The following CTNNA3 variants were observed in gnomAD, a reference collection of about 807,000 sequenced individuals.
CTNNA3 encodes the protein catenin alpha 3.
CTNNA3 carries 76 observed loss-of-function variants against 95.7 expected under a neutral mutation model. The ratio of observed to expected loss-of-function variants is 0.79; its 90% CI spans 0.66 to 0.96. The LOEUF (loss-of-function observed/expected upper bound fraction) is 0.96, where lower values mean the gene tolerates loss of function less well. Among genes scored for constraint, CTNNA3 ranks in the 40% least tolerant of loss-of-function variants. The pLI is 0.00. For missense variants in CTNNA3, 1,191 were observed against 1,089.8 expected, an observed-to-expected ratio of 1.09 and a Z score of -1.31; for synonymous variants, 431 against 374.4, an observed-to-expected ratio of 1.15 and a Z score of -1.74.
chr10:66,472,899 A>G (rs1201870660), intron 11 of CTNNA3, among the ~76,000 whole-genome samples: 1 of 151,982 alleles, frequency 6.6e-6, no homozygotes, highest in Non-Finnish European at 1.5e-5. Context: ...CACTATCTCA[A>G]TATGTTATGC....
At chr10:66,984,775 A>T (rs1364979326) in intron 7 of CTNNA3, among the ~76,000 whole-genome samples, 59 of 152,172 alleles carry the variant, frequency 3.9e-4, no homozygotes, top group Admixed American at 3.8e-3. Flanking sequence ...AATTTAAATA[A>T]TTTATTTTTG....
rs557890333 is a variant in CTNNA3, at chr10:67,617,652, GT to G, written c.100-10604del. Among the ~76,000 whole-genome samples the G allele has an allele frequency of 8.6e-5, 13 of 151,938 alleles. No homozygotes were observed. The East Asian group carries it at 1.6e-3, about 18-fold the overall frequency. On this transcript the variant is annotated intron_variant, in intron 2 of 17. Transcript: ENST00000433211. The stretch of plus-strand genomic sequence containing the variant: ...GGGATTACTGGGTCAAATGGTAGTT[GT>G]TTTTAGGTCTTTGAGGAACTGCCGC...
intron 11 of CTNNA3, among the ~76,000 whole-genome samples, chr10:66,383,041 C>T (rs2092855123): frequency 6.6e-6 from 1 of 152,132 alleles, no homozygotes; most frequent in South Asian, 2.1e-4. Context: ...TCTTCTCCTC[C>T]AAAGGATCGC....
chr10:66,096,231 C>T (rs1359873086), intron 14 of CTNNA3, among the ~76,000 whole-genome samples: 5 of 152,216 alleles, frequency 3.3e-5, no homozygotes, highest in Admixed American at 2.0e-4. Context: ...CTACAAGACA[C>T]TATAATCAAA....
chr10:67,070,921 T>C (rs968045158), intron 7 of CTNNA3, among the ~76,000 whole-genome samples: 3 of 152,234 alleles, frequency 2.0e-5, no homozygotes, highest in Admixed American at 1.3e-4. Context: ...TGTAGTAACA[T>C]GCTAACTACA....
At chr10:67,183,538 G>T (rs1356617740) in intron 6 of CTNNA3, among the ~76,000 whole-genome samples, 2 of 151,798 alleles carry the variant, frequency 1.3e-5, no homozygotes, top group Non-Finnish European at 2.9e-5. Context: ...GGGGCCTGTT[G>T]TGGGGTGGGA....
intron 11 of CTNNA3, among the ~76,000 whole-genome samples, chr10:66,424,701 A>G (rs1428104882): frequency 1.3e-5 from 2 of 152,138 alleles, no homozygotes; most frequent in East Asian, 3.9e-4. Flanking sequence ...TTTGTTACAT[A>G]ATATGTAGTC....
At chr10:66,443,852 G>A (rs181055863) in intron 11 of CTNNA3, among the ~76,000 whole-genome samples, 51 of 152,292 alleles carry the variant, frequency 3.3e-4, no homozygotes, top group African/African-American at 1.2e-3. Context: ...GAGAGAAGAA[G>A]GCTTCAGACG....
chr10:66,166,322 G>T (rs926339715), intron 13 of CTNNA3, among the ~76,000 whole-genome samples: 5 of 151,394 alleles, frequency 3.3e-5, no homozygotes, highest in African/African-American at 9.7e-5. Context: ...GGTGAAACCG[G>T]TGTCTACTAA....
At chr10:67,601,423 C>T (rs1355329634) in intron 3 of CTNNA3, among the ~76,000 whole-genome samples, 1 of 152,146 alleles carries the variant, frequency 6.6e-6, no homozygotes, top group East Asian at 1.9e-4. Flanking sequence ...GAATCTAATG[C>T]CGCAGCTGAT....
intron 7 of CTNNA3, among the ~76,000 whole-genome samples, chr10:67,066,867 T>C (rs1263812178): frequency 6.6e-6 from 1 of 152,238 alleles, no homozygotes; most frequent in East Asian, 1.9e-4. Flanking sequence ...GCCTTTAATT[T>C]AATTTTAAAA....
chr10:67,576,190 A>T (rs1310949781), intron 3 of CTNNA3, among the ~76,000 whole-genome samples: 1 of 152,180 alleles, frequency 6.6e-6, no homozygotes, highest in Non-Finnish European at 1.5e-5. Context: ...GGGCTTAGTT[A>T]TTTAAAAGCA....
chr10:67,579,533 T>A (rs926803762), intron 3 of CTNNA3, among the ~76,000 whole-genome samples: 1 of 152,180 alleles, frequency 6.6e-6, no homozygotes, highest in South Asian at 2.1e-4. Flanking sequence ...TGTGTCTTTA[T>A]AGAAGCATGA....
At chr10:66,735,432 A>C (rs558548519) in intron 9 of CTNNA3, among the ~76,000 whole-genome samples, 168 of 152,148 alleles carry the variant, frequency 1.1e-3, no homozygotes, top group African/African-American at 3.9e-3. Context: ...CAATTTAGGT[A>C]GTGTATATTT....
chr10:66,216,061 C>A (rs191789927), intron 13 of CTNNA3, among the ~76,000 whole-genome samples: 10 of 152,198 alleles, frequency 6.6e-5, no homozygotes, highest in Non-Finnish European at 1.2e-4. Flanking sequence ...GCTAATCTGC[C>A]GTGTTGACTC....
rs116497927 is a variant in CTNNA3 at position 66,259,998 on chromosome 10, A to G, written c.1884+20472T>C. Among the ~76,000 whole-genome samples the G allele has an allele frequency of 8.2e-3, 1,242 of 152,198 alleles. 14 individuals are homozygous for G. Among genetic ancestry groups the G allele is most frequent in the African/African-American group, 0.028 (1,180 of 41,528 alleles). ...GTTGGGGCTTAGGAACTGATACCCC[A>G]AAATACATGCTTCGATATGCAGAAC... On this transcript the variant is annotated intron_variant, in intron 13 of 17. Coordinates refer to ENST00000433211, the MANE Select transcript of CTNNA3 (RefSeq NM_013266.4).
chr10:66,983,100 C>G (rs1850537816), intron 7 of CTNNA3, among the ~76,000 whole-genome samples: 2 of 152,154 alleles, frequency 1.3e-5, no homozygotes, highest in African/African-American at 4.8e-5. Context: ...TTACAATGTG[C>G]TATATTGATT....
At chr10:67,573,313 C>T (rs904100703) in intron 3 of CTNNA3, among the ~76,000 whole-genome samples, 5 of 152,124 alleles carry the variant, frequency 3.3e-5, no homozygotes, top group South Asian at 4.1e-4. Context: ...TTTGCTTCCT[C>T]TTTCAGTTTG....
intron 1 of CTNNA3, among the ~76,000 whole-genome samples, chr10:67,713,834 A>C (rs1040097842): frequency 2.6e-5 from 4 of 152,154 alleles, no homozygotes; most frequent in African/African-American, 9.7e-5. Flanking sequence ...TACCTAACGC[A>C]TGAGGGACTT....
Sources: allele counts gnomAD v4.1 joint callset (sites outside exome capture counted in the v4.1 genomes callset), GRCh38; gene constraint gnomAD v4.1.1; transcripts MANE v1.5; gene names NCBI Gene and HGNC (gene_info 2026-07-23, HGNC 2026-07-21).